SPTBN5: variants seen among roughly 807,000 people sequenced by gnomAD.
SPTBN5 encodes spectrin beta, non-erythrocytic 5.
A neutral mutation model predicts 477.6 loss-of-function variants in SPTBN5; 513 were observed. The ratio of observed to expected loss-of-function variants is 1.07; its 90% confidence interval spans 1.00 to 1.16. The LOEUF (loss-of-function observed/expected upper bound fraction) is 1.16, where lower values mean the gene tolerates loss of function less well. Among genes scored for constraint, SPTBN5 ranks in the 50% most tolerant of loss-of-function variants. SPTBN5 has a pLI of 0.00. For synonymous variants in SPTBN5, 2,169 were observed against 2,011.7 expected (o/e 1.08, Z -2.09); for missense variants, 5,062 against 4,731.8 (o/e 1.07, Z -2.05).
At chr15:41,863,882 T>G in intron 40 of SPTBN5, 27 bp downstream of exon 40, 1 of 1,613,248 alleles carries the variant, frequency 6.2e-7, no homozygotes, top group Non-Finnish European at 8.5e-7. Context: ...TTCCCGGCCC[T>G]TTGGTTCTCC....
chr15:41,850,341 C>T lies in SPTBN5; in HGVS notation c.10922-382G>A, dbSNP rs56112773. 1.5e-4 allele frequency: 41 copies of T among 271,056 alleles called. 1 individual carries two copies. Among genetic ancestry groups the T allele is most frequent in the Non-Finnish European group, 1.9e-4 (26 of 139,528 alleles). The allele number at this position is 271,056 out of a possible 1,614,324, so 16.8% of individuals were successfully genotyped here. A position where few individuals can be genotyped will look rare whatever the true frequency, so the allele number is the denominator to read the frequency against. ...ACATTCCCTGAACACACGGTCCACA[C>T]GGAGCCTCAGCAGAGCACGCTGACC... is the stretch of plus-strand genomic sequence containing the variant. On this transcript the variant is annotated intron_variant, in intron 66 of 67. Transcript: ENST00000320955.
Position 41,868,489 on chromosome 15 carries a change from C to A in SPTBN5, c.5966G>T (p.Arg1989Leu), listed in dbSNP as rs369101702. 1 of 1,611,530 alleles carries A rather than the reference C, an allele frequency of 6.2e-7. No individual in the cohort carries two copies. Among genetic ancestry groups the A allele is most frequent in the Non-Finnish European group, 8.5e-7 (1 of 1,179,718 alleles). ...PLKLSAHQWL[R>L]AELEAREKLW... is the part of the protein sequence containing the mutation. ...CTTCTCCCGGGCCTCCAGCTCCGCC[C>A]GGAGCCACTGGTGGGCACTGAGCTT... Residue 1989 changes from arginine to leucine, a missense_variant, in exon 33 of 68, where the codon CGG (arginine) becomes CTG (leucine). Coordinates refer to ENST00000320955, the MANE Select transcript of SPTBN5 (RefSeq NM_016642.4).
chr15:41,859,106 A>G (rs893357088), intron 47 of SPTBN5, 126 bp from the exon 48 acceptor site: 5 of 655,426 alleles, frequency 7.6e-6, no homozygotes, highest in Admixed American at 3.7e-5. Flanking sequence ...ATAAAGGTAC[A>G]TTGCACTCCC....
intron 62 of SPTBN5, 99 bp downstream of exon 62, chr15:41,852,083 G>T: frequency 6.9e-7 from 1 of 1,442,606 alleles, no homozygotes; most frequent in Non-Finnish European, 9.3e-7. Flanking sequence ...TCCCAGCACT[G>T]GCTCCAGGGT....
rs1222587099 is a variant in SPTBN5 at position 41,883,492 on chromosome 15, G to A, written c.1521-6C>T. 5 of 1,613,380 alleles carry A rather than the reference G, an allele frequency of 3.1e-6. No homozygotes were observed. The highest frequency in any genetic ancestry group is 1.7e-6 in the Non-Finnish European group (2 of 1,179,614). ...GCACGGTAACTTCCTCCTGCCTAGA[G>A]GATATGAGAATAAGGGAGATCTCCT... On this transcript the variant is annotated splice_polypyrimidine_tract_variant and splice_region_variant and intron_variant, in intron 7 of 67. Transcript: ENST00000320955.
At position 41,879,685 on chromosome 15, in the gene SPTBN5, G is replaced by A. The variant is rs751200013; in HGVS notation, c.2942+49C>T. 49 of 1,607,986 alleles carry A rather than the reference G, an allele frequency of 3.0e-5. 1 individual carries two copies. The South Asian group carries it at 5.2e-4, about 17-fold the overall frequency. On this transcript the variant is annotated intron_variant, in intron 15 of 67. Transcript: ENST00000320955. ...AGGCAGGTGAGTCAGGCCCAGGCTGGGCACTGTGTCTGCCTGCCTCACCAC... is the reference window on the plus strand; with the variant it reads ...AGGCAGGTGAGTCAGGCCCAGGCTGAGCACTGTGTCTGCCTGCCTCACCAC...
rs767178380 is a variant in SPTBN5, at chr15:41,857,672, C to A, written c.8265G>T (p.Ser2755=). The A allele has an allele frequency of 1.3e-6, 2 of 1,585,784 alleles. No individual in the cohort carries two copies. Among genetic ancestry groups the A allele is most frequent in the Admixed American group, 3.6e-5 (2 of 56,144 alleles). ...QRLLQGGHPA[S]EAIQERLEEL... is the part of the protein sequence containing the mutation. ...CCTCCAGTCGCTCCTGGATGGCCTC[C>A]GAGGCTGGGTGGCCCCCCTGCAGCA... The change falls in exon 50 of 68, where the codon TCG becomes TCT. Residue 2755 remains serine (S), a synonymous_variant. Transcript: ENST00000320955.
At chr15:41,865,510 T>G (rs2066268406) in intron 39 of SPTBN5, among the ~76,000 whole-genome samples, 2 of 152,198 alleles carry the variant, frequency 1.3e-5, no homozygotes, top group African/African-American at 4.8e-5. Context: ...ATTTTATTAG[T>G]TTTTGCAAGT....
At chr15:41,887,827 C>T in intron 5 of SPTBN5, 101 bp downstream of exon 5, 1 of 1,255,410 alleles carries the variant, frequency 8.0e-7, no homozygotes, top group Non-Finnish European at 1.1e-6. Context: ...ACTTTCCCTC[C>T]TTCAAGCCTA....
rs913344396 is a variant in SPTBN5 at position 41,871,517 on chromosome 15, G to A, written c.5305C>T (p.Leu1769Phe). 6.7e-7 allele frequency: 1 copy of A among 1,485,702 alleles called. No individual in the cohort carries two copies. Among genetic ancestry groups the A allele is most frequent in the Non-Finnish European group, 9.0e-7 (1 of 1,113,456 alleles). The allele number at this position is 1,485,702 out of a possible 1,614,324, so 92.0% of individuals were successfully genotyped here. Reference sequence around the variant, plus strand: ...TGAAACTTTGCAAACTTGGTGCAGAGGTGCTGAGAAGAGGGGAGTGGGTGA... The same window carrying A: ...TGAAACTTTGCAAACTTGGTGCAGAAGTGCTGAGAAGAGGGGAGTGGGTGA... ...LGEDPEHALH[L>F]CTKFAKFQHQ... Residue 1769 changes from leucine (L) to phenylalanine (F), a missense_variant, in exon 29 of 68, where the codon CTC becomes TTC. Transcript: ENST00000320955.
At position 41,867,601 on chromosome 15, in the gene SPTBN5, C is replaced by G. The variant is rs1451170039; in HGVS notation, c.6249G>C (p.Glu2083Asp). ...KTSALGSSVE[E>D]VEQLIRKHEV... ...CGTGCTTGCGAATCAACTGCTCTAC[C>G]TCTTCCACCGAGCTCCCCAAGGCAC... The change falls in exon 35 of 68, where the codon GAG becomes GAC. Residue 2083 changes from glutamate to aspartate, a missense_variant. By Grantham distance (45) the Glu-to-Asp change is conservative (BLOSUM62 2). Transcript: ENST00000320955. 3.1e-6 allele frequency: 5 copies of G among 1,613,718 alleles called. No homozygotes were observed.
intron 66 of SPTBN5, 151 bp downstream of exon 66, chr15:41,850,703 A>G: frequency 1.4e-6 from 1 of 724,324 alleles, no homozygotes; most frequent in Non-Finnish European, 2.2e-6. Flanking sequence ...CCAGGACCTA[A>G]ATTCTTTGAG....
chr15:41,851,833 G>T lies in SPTBN5; in HGVS notation c.10602C>A (p.Pro3534=), dbSNP rs762890631. 3 of 1,610,208 alleles carry T rather than the reference G, an allele frequency of 1.9e-6. No individual in the cohort carries two copies. In the African/African-American group the frequency reaches 4.0e-5, roughly 22 times the overall value. ...TGAACTCCAAAGACCCCTCCATGGT[G>T]GGGGTACCCTTTGCATCCTGAAAAT... ...TRDPQDAKGT[P]TMEGSLEFKQ... Residue 3534 remains proline, a synonymous_variant, in exon 63 of 68, where the codon CCC becomes CCA. Coordinates refer to ENST00000320955, the MANE Select transcript of SPTBN5 (RefSeq NM_016642.4).
chr15:41,853,051 T>TGGGCA (rs1047290260), intron 59 of SPTBN5, 51 bp from the exon 60 acceptor site: 39 of 1,466,200 alleles, frequency 2.7e-5, no homozygotes, highest in Admixed American at 5.0e-5. Flanking sequence ...GCTCCCACCA[T>TGGGCA]GGGCAGGGCA....
rs1318972928 is a variant in SPTBN5, at chr15:41,871,779, C to T, written c.5301+3G>A. ...CCCTCCTTGACCCTGGCCCTCTTCT[C>T]ACCAGGGCGTGCTCGGGGTCCTCTC... On this transcript the variant is annotated splice_donor_region_variant and intron_variant, in intron 28 of 67. Coordinates refer to ENST00000320955, the MANE Select transcript of SPTBN5 (RefSeq NM_016642.4). The T allele has an allele frequency of 2.5e-6, 4 of 1,579,462 alleles. No homozygotes were observed. The Admixed American group carries it at 5.3e-5, about 21-fold the overall frequency.
At position 41,876,870 on chromosome 15, in the gene SPTBN5, C is replaced by A. The variant is rs2066754223; in HGVS notation, c.3790G>T (p.Ala1264Ser). 3.9e-5 allele frequency: 63 copies of A among 1,610,366 alleles called. No individual in the cohort carries two copies. Among genetic ancestry groups the A allele is most frequent in the Non-Finnish European group, 5.3e-5 (63 of 1,179,850 alleles). Reference sequence around the variant, plus strand: ...TCGCCGTGTGCCCGCAGAGCCTCTGCCCGAGGCCCCAGGGTGCTCAGGAGC... The same window carrying A: ...TCGCCGTGTGCCCGCAGAGCCTCTGACCGAGGCCCCAGGGTGCTCAGGAGC... Reference protein sequence around the residue: ...GRLLSTLGPRAEALRAHGEKL... With the variant: ...GRLLSTLGPRSEALRAHGEKL... Residue 1264 changes from alanine to serine, a missense_variant, in exon 19 of 68, where the codon GCA (alanine) becomes TCA (serine). Coordinates refer to ENST00000320955, the MANE Select transcript of SPTBN5 (RefSeq NM_016642.4).
chr15:41,849,801 A>G, intron 67 of SPTBN5, 68 bp downstream of exon 67: 3 of 1,258,290 alleles, frequency 2.4e-6, no homozygotes, highest in South Asian at 2.6e-5. Context: ...CAGGCTTCAG[A>G]GGACAGCGCC....
At chr15:41,848,897 A>G (rs2065648008) in intron 67 of SPTBN5, among the ~76,000 whole-genome samples, 1 of 152,174 alleles carries the variant, frequency 6.6e-6, no homozygotes, top group Non-Finnish European at 1.5e-5. Context: ...AGCAGAAAAA[A>G]TGGCTGTCCT....
Position 41,872,285 on chromosome 15 carries a change from G to A in SPTBN5, c.5165+17C>T, listed in dbSNP as rs370086334. On this transcript the variant is annotated intron_variant, in intron 27 of 67. Transcript: ENST00000320955. ...GCCTCCTGTACCCACTGATGAGAGG[G>A]GTTATGGTGTCCTCACCGTGTGGCC... 2.8e-4 allele frequency: 453 copies of A among 1,607,886 alleles called. No homozygotes were observed. Among genetic ancestry groups the A allele is most frequent in the Non-Finnish European group, 3.7e-4 (439 of 1,178,000 alleles).
Sources: allele counts gnomAD v4.1 joint callset (sites outside exome capture counted in the v4.1 genomes callset), GRCh38; gene constraint gnomAD v4.1.1; transcripts MANE v1.5; gene names NCBI Gene and HGNC (gene_info 2026-07-23, HGNC 2026-07-21).